Variants in PGPEP1L observed in about 807,000 individuals in gnomAD.
PGPEP1L encodes pyroglutamyl-peptidase I like.
A neutral mutation model predicts 6.0 loss-of-function variants in PGPEP1L; 7 were observed. The observed-to-expected ratio is 1.17, with a 90% confidence interval of 0.66 to 2.19. The LOEUF (loss-of-function observed/expected upper bound fraction) is 2.19, where lower values mean the gene tolerates loss of function less well. PGPEP1L is among the 30% of genes most tolerant of loss of function. The probability of loss-of-function intolerance (pLI) is 0.00; values close to 1 mark genes in which losing one functional copy is unlikely to be tolerated. For missense variants in PGPEP1L, 209 were observed against 192.5 expected (o/e 1.09, Z -0.51); for synonymous variants, 103 against 83.9 (o/e 1.23, Z -1.24).
intron 3 of PGPEP1L, among the ~76,000 whole-genome samples, chr15:98,970,100 G>C (rs2017472276): frequency 6.6e-6 from 1 of 152,106 alleles, no homozygotes; most frequent in Non-Finnish European, 1.5e-5. Flanking sequence ...CCAGGCTGGA[G>C]TGCAATGGCA....
intron 1 of PGPEP1L, among the ~76,000 whole-genome samples, chr15:99,006,810 T>TA (rs1459880858): frequency 6.7e-6 from 1 of 150,168 alleles, no homozygotes; most frequent in African/African-American, 2.5e-5. Context: ...AAAATATTCT[T>TA]AAACTTTTTT....
chr15:98,981,504 AAAC>A (rs2017662066), intron 2 of PGPEP1L, among the ~76,000 whole-genome samples: 1 of 141,500 alleles, frequency 7.1e-6, no homozygotes, highest in Non-Finnish European at 1.5e-5. Flanking sequence ...AAAAAAAAAA[AAAC>A]AAAAACAAAA....
intron 2 of PGPEP1L, among the ~76,000 whole-genome samples, chr15:98,999,035 A>G (rs1284280077): frequency 1.3e-5 from 2 of 152,234 alleles, no homozygotes; most frequent in African/African-American, 4.8e-5. Flanking sequence ...CTTTAAGGCT[A>G]GGCAAAGAGT....
intron 2 of PGPEP1L, chr15:99,001,408 G>C (rs912909940): frequency 2.3e-5 from 4 of 172,390 alleles, no homozygotes; most frequent in South Asian, 2.3e-4. Context: ...TGTGTGTTGT[G>C]GGGGGACGTG....
At position 99,005,532 on chromosome 15, in the gene PGPEP1L, GCT is replaced by G. The variant is rs1555473523; in HGVS notation, c.-247_-246del. 6.6e-6 allele frequency: 1 copy of G among 152,308 alleles called. No individual in the cohort carries two copies. The highest frequency in any genetic ancestry group is 2.4e-5 in the African/African-American group (1 of 41,478). The allele number at this position is 152,308 out of a possible 1,614,324, so 9.4% of individuals were successfully genotyped here. A position where few individuals can be genotyped will look rare whatever the true frequency, so the allele number is the denominator to read the frequency against. On this transcript the variant is annotated 5_prime_UTR_variant, in exon 2 of 5. The change creates a premature stop within an existing upstream ORF in the 5' untranslated region. Transcript: ENST00000535714. Reference sequence around the variant, plus strand: ...GCGGCCCAGCGGCCGGGCTCTGCGCGCTCTGAGCTCCGGGCACCTTCTCTGCC... The same window carrying G: ...GCGGCCCAGCGGCCGGGCTCTGCGCGCTGAGCTCCGGGCACCTTCTCTGCC...
At chr15:98,972,377 A>C (rs1201223539) in intron 2 of PGPEP1L, among the ~76,000 whole-genome samples, 3 of 151,250 alleles carry the variant, frequency 2.0e-5, no homozygotes, top group African/African-American at 7.3e-5. Context: ...TAAATAAATA[A>C]ATAAATAAAT....
At chr15:98,981,860 C>T (rs1273233507) in intron 2 of PGPEP1L, among the ~76,000 whole-genome samples, 1 of 152,136 alleles carries the variant, frequency 6.6e-6, no homozygotes. Flanking sequence ...AGGGAACAAG[C>T]TGGAGAGGCT....
intron 2 of PGPEP1L, among the ~76,000 whole-genome samples, chr15:99,003,561 G>A (rs1555473310): frequency 1.3e-5 from 2 of 152,140 alleles, no homozygotes; most frequent in Admixed American, 6.6e-5. Flanking sequence ...CAATTTGTCG[G>A]AGCCCTCGTT....
At chr15:98,988,543 A>G (rs2017779024) in intron 2 of PGPEP1L, among the ~76,000 whole-genome samples, 1 of 152,166 alleles carries the variant, frequency 6.6e-6, no homozygotes, top group Non-Finnish European at 1.5e-5. Flanking sequence ...CACCTGGGGG[A>G]AGGGGCAGCT....
At chr15:99,001,661 C>T (rs1270442474) in intron 2 of PGPEP1L, among the ~76,000 whole-genome samples, 1 of 151,950 alleles carries the variant, frequency 6.6e-6, no homozygotes, top group African/African-American at 2.4e-5. Flanking sequence ...TGAAAAAGAA[C>T]CAATCTCAAA....
intron 1 of PGPEP1L, 85 bp from the exon 2 acceptor site, chr15:99,005,741 C>G (rs1389822898): frequency 5.2e-5 from 8 of 152,578 alleles, no homozygotes; most frequent in Non-Finnish European, 1.2e-4. Flanking sequence ...CAGGGACTTT[C>G]TGGACATTTG....
intron 2 of PGPEP1L, among the ~76,000 whole-genome samples, chr15:99,005,009 T>G (rs1330327017): frequency 1.3e-5 from 2 of 152,004 alleles, no homozygotes; most frequent in African/African-American, 4.8e-5. Context: ...GCAAGCCTTG[T>G]GAGGGCCCTG....
chr15:98,984,366 A>G (rs1199624497), intron 2 of PGPEP1L, among the ~76,000 whole-genome samples: 1 of 151,980 alleles, frequency 6.6e-6, no homozygotes, highest in Non-Finnish European at 1.5e-5. Context: ...GATAAAATTG[A>G]CTCTTGCTGG....
At chr15:99,006,744 G>T (rs1317360868) in intron 1 of PGPEP1L, among the ~76,000 whole-genome samples, 4 of 152,220 alleles carry the variant, frequency 2.6e-5, no homozygotes, top group Non-Finnish European at 2.9e-5. Flanking sequence ...TGAGCCGTCA[G>T]TCGTAACTGC....
intron 2 of PGPEP1L, among the ~76,000 whole-genome samples, chr15:99,003,754 C>T (rs1460959429): frequency 2.0e-5 from 3 of 147,876 alleles, no homozygotes; most frequent in Non-Finnish European, 3.0e-5. Context: ...AAACAATTTC[C>T]AGTTTGCCAG....
intron 2 of PGPEP1L, among the ~76,000 whole-genome samples, chr15:98,971,548 A>C (rs1040573155): frequency 9.9e-5 from 15 of 152,172 alleles, no homozygotes; most frequent in African/African-American, 3.6e-4. Flanking sequence ...AAACCCACCA[A>C]CAACAATACT....
chr15:98,978,005 A>C (rs1254195161), intron 2 of PGPEP1L, among the ~76,000 whole-genome samples: 1 of 152,212 alleles, frequency 6.6e-6, no homozygotes, highest in Non-Finnish European at 1.5e-5. Context: ...GAATAGTCTT[A>C]CAAGTGGGCA....
Position 98,968,666 on chromosome 15 carries a change from G to A in PGPEP1L, c.241C>T (p.Leu81=). 2 of 1,584,732 alleles carry A rather than the reference G, an allele frequency of 1.3e-6. No individual in the cohort carries two copies. The highest frequency in any genetic ancestry group is 8.6e-7 in the Non-Finnish European group (1 of 1,164,950). Residue 81 remains leucine, a synonymous_variant, in exon 5 of 5, where the codon CTG becomes TTG. Coordinates refer to ENST00000535714, the MANE Select transcript of PGPEP1L (RefSeq NM_001167902.2). ...GCCGCGCAGCCCTTTCCATGATGCA[G>A]AGACAGGTAATAGGTATAATCACAG... is the stretch of plus-strand genomic sequence containing the variant. ...YVCDYTYYLS[L]HHGKGCAALI...
intron 2 of PGPEP1L, among the ~76,000 whole-genome samples, chr15:98,981,284 A>G (rs1321205135): frequency 6.6e-6 from 1 of 152,088 alleles, no homozygotes; most frequent in Non-Finnish European, 1.5e-5. Flanking sequence ...CGAGGTCAGG[A>G]GATCCAGACC....
Sources: allele counts gnomAD v4.1 joint callset (sites outside exome capture counted in the v4.1 genomes callset), GRCh38; gene constraint gnomAD v4.1.1; transcripts MANE v1.5; gene names NCBI Gene and HGNC (gene_info 2026-07-23, HGNC 2026-07-21).